PARVA: variants seen among roughly 807,000 people sequenced by gnomAD.
PARVA encodes parvin alpha, also known as alpha-parvin.
A neutral mutation model predicts 52.6 loss-of-function variants in PARVA; 25 were observed. The observed-to-expected ratio is 0.48, with a 90% CI of 0.35 to 0.66. The LOEUF (loss-of-function observed/expected upper bound fraction) is 0.66. PARVA is among the 30% of genes least tolerant of loss of function. The probability of loss-of-function intolerance (pLI) is 0.01; values close to 1 mark genes in which losing one functional copy is unlikely to be tolerated. For missense variants in PARVA, 373 were observed against 450.9 expected (o/e 0.83, Z 1.56); for synonymous variants, 185 against 179.1 (o/e 1.03, Z -0.26).
At chr11:12,470,980 G>A (rs1940925206) in intron 1 of PARVA, among the ~76,000 whole-genome samples, 1 of 152,200 alleles carries the variant, frequency 6.6e-6, no homozygotes, top group African/African-American at 2.4e-5. Context: ...GAGATGGTGA[G>A]AAGTGTTTGG....
intron 12 of PARVA, among the ~76,000 whole-genome samples, chr11:12,526,869 G>T (rs1941708530): frequency 6.6e-6 from 1 of 152,096 alleles, no homozygotes. Context: ...TTGGGGGAGG[G>T]AGGAAGGTAG....
intron 1 of PARVA, among the ~76,000 whole-genome samples, chr11:12,400,450 G>C (rs1358965494): frequency 6.6e-6 from 1 of 152,162 alleles, no homozygotes; most frequent in Non-Finnish European, 1.5e-5. Context: ...GAAAGTCTGT[G>C]CATATGGACA....
Position 12,534,533 on chromosome 11 carries a change from A to G in PARVA, c.*6608A>G, listed in dbSNP as rs1279380178. ...TATTAAGATAAATGATGTTTTATCA[A>G]TGAAGCAGACTTTTCATTTCTTTTT... On this transcript the variant is annotated 3_prime_UTR_variant, in exon 13 of 13. Coordinates refer to ENST00000334956, the MANE Select transcript of PARVA (RefSeq NM_018222.5). Among the ~76,000 whole-genome samples, 2 of 152,240 alleles carry G rather than the reference A, an allele frequency of 1.3e-5. No homozygotes were observed. Among genetic ancestry groups the G allele is most frequent in the Admixed American group, 6.5e-5 (1 of 15,288 alleles).
At chr11:12,420,791 A>G (rs575690647) in intron 1 of PARVA, among the ~76,000 whole-genome samples, 2 of 152,262 alleles carry the variant, frequency 1.3e-5, no homozygotes, top group Non-Finnish European at 2.9e-5. Flanking sequence ...CAATTTATAG[A>G]TGAAAAAGAT....
intron 1 of PARVA, among the ~76,000 whole-genome samples, chr11:12,406,379 A>G (rs1939906668): frequency 6.6e-6 from 1 of 152,260 alleles, no homozygotes; most frequent in Non-Finnish European, 1.5e-5. Context: ...TGTTACCCAC[A>G]TCTGCAAAAT....
At chr11:12,487,724 GT>G (rs1269056872) in intron 4 of PARVA, among the ~76,000 whole-genome samples, 1 of 152,108 alleles carries the variant, frequency 6.6e-6, no homozygotes, top group Non-Finnish European at 1.5e-5. Flanking sequence ...TTAGATGAAA[GT>G]TTTTTATTAT....
chr11:12,436,417 T>G (rs997518455), intron 1 of PARVA, among the ~76,000 whole-genome samples: 3 of 152,270 alleles, frequency 2.0e-5, no homozygotes, highest in African/African-American at 7.2e-5. Context: ...CAGTCTCCCA[T>G]CAAGGTCTCA....
Position 12,473,794 on chromosome 11 carries a change from C to A in PARVA, c.186C>A (p.Ser62Arg). Residue 62 changes from serine (S) to arginine (R), a missense_variant, in exon 2 of 13, where the codon AGC becomes AGA. By Grantham distance (110) the Ser-to-Arg change is moderately radical. Coordinates refer to ENST00000334956, the MANE Select transcript of PARVA (RefSeq NM_018222.5). ...TGAACGCCATCAACCTGCCCCTCAG[C>A]CCAATTCCCTTTGAGCTGGACCCCG... ...EGMNAINLPL[S>R]PIPFELDPED... The A allele has an allele frequency of 2.5e-6, 4 of 1,572,030 alleles. No homozygotes were observed. Among genetic ancestry groups the A allele is most frequent in the Non-Finnish European group, 3.5e-6 (4 of 1,157,544 alleles).
intron 1 of PARVA, chr11:12,452,676 A>G (rs919681882): frequency 4.9e-6 from 1 of 202,106 alleles, no homozygotes; most frequent in Non-Finnish European, 1.1e-5. Context: ...CCTGCTCTAC[A>G]GGTAACTTAT....
intron 12 of PARVA, among the ~76,000 whole-genome samples, chr11:12,519,108 G>A (rs113874299): frequency 6.2e-4 from 95 of 152,318 alleles, no homozygotes; most frequent in African/African-American, 2.2e-3. Context: ...GTCTTGGTAC[G>A]GATGATTGCT....
intron 4 of PARVA, among the ~76,000 whole-genome samples, chr11:12,488,466 A>G (rs1211363089): frequency 2.0e-5 from 3 of 152,234 alleles, no homozygotes; most frequent in African/African-American, 7.2e-5. Flanking sequence ...ATAACCTATC[A>G]TTCCTAATGG....
At chr11:12,449,283 C>G (rs7109714) in intron 1 of PARVA, among the ~76,000 whole-genome samples, 133,184 of 152,058 alleles carry the variant, frequency 0.88, 58,829 homozygotes, top group East Asian at 0.93. Flanking sequence ...CCTCCCTCCA[C>G]GGTAGCTGGG....
At position 12,535,175 on chromosome 11, in the gene PARVA, A is replaced by G. The variant is rs1050273486; in HGVS notation, c.*7250A>G. ...ATAATGTCCTCCTAGGCTGCATTGG[A>G]ATTGTGTGTTGTCTAGACCCATGGC... On this transcript the variant is annotated 3_prime_UTR_variant, in exon 13 of 13. Coordinates refer to ENST00000334956, the MANE Select transcript of PARVA (RefSeq NM_018222.5). 6.6e-6 allele frequency among the ~76,000 whole-genome samples: 1 copy of G among 152,034 alleles called. No individual in the cohort carries two copies. The highest frequency in any genetic ancestry group is 2.4e-5 in the African/African-American group (1 of 41,356).
At chr11:12,390,861 T>A (rs1272470252) in intron 1 of PARVA, among the ~76,000 whole-genome samples, 3 of 152,144 alleles carry the variant, frequency 2.0e-5, no homozygotes, top group Non-Finnish European at 4.4e-5. Flanking sequence ...TGATGCTGTT[T>A]GCAAAACACA....
intron 1 of PARVA, among the ~76,000 whole-genome samples, chr11:12,461,601 A>G (rs75596903): frequency 0.033 from 5,042 of 152,258 alleles, 307 homozygotes; most frequent in African/African-American, 0.11. Flanking sequence ...TTTCAACTCA[A>G]ATTGTTTCGA....
chr11:12,378,834 C>G lies in PARVA; in HGVS notation c.136+1051C>G, dbSNP rs143005051. ...TATAATTTGTAAAGATCAAATTGCACAGGAAAGGGGTCCCAGTCCAGACCC... is the reference window on the plus strand; with the variant it reads ...TATAATTTGTAAAGATCAAATTGCAGAGGAAAGGGGTCCCAGTCCAGACCC... On this transcript the variant is annotated intron_variant, in intron 1 of 12. Transcript: ENST00000334956. 3.0e-4 allele frequency among the ~76,000 whole-genome samples: 46 copies of G among 152,194 alleles called. 1 individual carries two copies. In the East Asian group the frequency reaches 8.9e-3, roughly 29 times the overall value.
At chr11:12,496,355 C>CATGCAAGAGTGCATGA in intron 4 of PARVA, 103 bp from the exon 5 acceptor site, 1 of 1,200,060 alleles carries the variant, frequency 8.3e-7, no homozygotes, top group Non-Finnish European at 1.2e-6. Flanking sequence ...AGAGTGCATG[C>CATGCAAGAGTGCATGA]ATGCATGAGT....
rs913144225 is a variant in PARVA at position 12,531,033 on chromosome 11, G to A, written c.*3108G>A. Among the ~76,000 whole-genome samples the A allele has an allele frequency of 1.3e-5, 2 of 152,220 alleles. No individual in the cohort carries two copies. Among genetic ancestry groups the A allele is most frequent in the African/African-American group, 4.8e-5 (2 of 41,452 alleles). On this transcript the variant is annotated 3_prime_UTR_variant, in exon 13 of 13. Coordinates refer to ENST00000334956, the MANE Select transcript of PARVA (RefSeq NM_018222.5). Reference sequence around the variant, plus strand: ...GGAACCTTATGGTGAATTGTATGCAGATTGATGAAGGTTTCATTTTTATAT... The same window carrying A: ...GGAACCTTATGGTGAATTGTATGCAAATTGATGAAGGTTTCATTTTTATAT...
chr11:12,423,354 T>G (rs1247093267), intron 1 of PARVA, among the ~76,000 whole-genome samples: 2 of 146,258 alleles, frequency 1.4e-5, no homozygotes, highest in South Asian at 2.2e-4. Context: ...AATTTTTGTT[T>G]TTTTTTTTTT....
Sources: gnomAD v4.1 joint callset for allele counts (sites outside exome capture counted in the v4.1 genomes callset) on GRCh38, gnomAD v4.1.1 for gene constraint, MANE v1.5 for transcripts, NCBI Gene and HGNC (gene_info 2026-07-23, HGNC 2026-07-21) for gene names.